RBFOX1: variants seen among roughly 807,000 people sequenced by gnomAD.
RBFOX1 encodes the protein RNA binding protein fox-1 homolog 1.
Under a neutral mutation model 57.7 loss-of-function variants are expected in RBFOX1, and 8 were observed. The observed-to-expected ratio is 0.14, with a 90% CI of 0.08 to 0.25. RBFOX1 has a LOEUF of 0.25. RBFOX1 is among the 10% of genes least tolerant of loss of function. The pLI is 1.00. For missense variants in RBFOX1, 611 were observed against 548.5 expected, an observed-to-expected ratio of 1.11 and a Z score of -1.14; for synonymous variants, 326 against 222.4, an observed-to-expected ratio of 1.47 and a Z score of -4.15.
chr16:7,088,983 G>C (rs1045199079), intron 4 of RBFOX1, among the ~76,000 whole-genome samples: 1 of 152,136 alleles, frequency 6.6e-6, no homozygotes, highest in Non-Finnish European at 1.5e-5. Context: ...AAGGAAGAAG[G>C]CCTTTTTGTT....
At chr16:6,530,143 C>A (rs1163424873) in intron 2 of RBFOX1, among the ~76,000 whole-genome samples, 3 of 152,096 alleles carry the variant, frequency 2.0e-5, no homozygotes, top group Non-Finnish European at 4.4e-5. Flanking sequence ...TCCTCCCCTT[C>A]TTTTATCTTA....
intron 1 of RBFOX1, among the ~76,000 whole-genome samples, chr16:6,067,550 A>G (rs766127107): frequency 2.0e-5 from 3 of 152,192 alleles, no homozygotes; most frequent in Non-Finnish European, 4.4e-5. Flanking sequence ...TATCCAAACT[A>G]TTTTGATGAA....
intron 2 of RBFOX1, among the ~76,000 whole-genome samples, chr16:5,524,127 C>G (rs773598919): frequency 6.6e-6 from 1 of 152,192 alleles, no homozygotes; most frequent in Non-Finnish European, 1.5e-5. Flanking sequence ...TAAAGACACA[C>G]TCTGGGAGGA....
At chr16:7,282,921 T>C (rs1204393582) in intron 4 of RBFOX1, among the ~76,000 whole-genome samples, 1 of 152,216 alleles carries the variant, frequency 6.6e-6, no homozygotes, top group African/African-American at 2.4e-5. Flanking sequence ...TCATTACTTT[T>C]TTATGGTTGA....
chr16:6,459,581 T>C (rs1333105002), intron 2 of RBFOX1, among the ~76,000 whole-genome samples: 1 of 152,152 alleles, frequency 6.6e-6, no homozygotes, highest in East Asian at 1.9e-4. Context: ...CTATATCTCA[T>C]GCTTCTGATA....
At chr16:7,651,264 C>T (rs972455687) in intron 11 of RBFOX1, among the ~76,000 whole-genome samples, 1 of 152,104 alleles carries the variant, frequency 6.6e-6, no homozygotes, top group African/African-American at 2.4e-5. Context: ...TCACTTTGGT[C>T]GGGTTCGGGG....
intron 3 of RBFOX1, among the ~76,000 whole-genome samples, chr16:6,848,880 A>G (rs1433766911): frequency 6.6e-6 from 1 of 152,180 alleles, no homozygotes; most frequent in Non-Finnish European, 1.5e-5. Flanking sequence ...CTCAGGTGTC[A>G]AAGAGGAACA....
At chr16:5,835,926 C>T (rs920115177) in intron 3 of RBFOX1, among the ~76,000 whole-genome samples, 2 of 152,122 alleles carry the variant, frequency 1.3e-5, no homozygotes, top group African/African-American at 4.8e-5. Flanking sequence ...CACCCGCCGC[C>T]CATGAGTCTT....
At chr16:6,341,405 C>G (rs2084554686) in intron 2 of RBFOX1, among the ~76,000 whole-genome samples, 1 of 152,072 alleles carries the variant, frequency 6.6e-6, no homozygotes, top group African/African-American at 2.4e-5. Context: ...GTTGAGACTT[C>G]CTGGGCGGCA....
chr16:7,156,927 T>A (rs2077270697), intron 4 of RBFOX1, among the ~76,000 whole-genome samples: 1 of 152,192 alleles, frequency 6.6e-6, no homozygotes, highest in African/African-American at 2.4e-5. Context: ...CTATAATATA[T>A]GTGATAACCT....
chr16:6,637,225 C>T (rs868022623), intron 2 of RBFOX1, among the ~76,000 whole-genome samples: 1 of 36,346 alleles, frequency 2.8e-5, no homozygotes, highest in African/African-American at 1.2e-4. Context: ...ATATAATATA[C>T]AATATATATT....
chr16:5,671,508 AG>A (rs2050011916), intron 3 of RBFOX1, among the ~76,000 whole-genome samples: 1 of 152,224 alleles, frequency 6.6e-6, no homozygotes, highest in African/African-American at 2.4e-5. Context: ...ATTCAGCCAG[AG>A]GAGAAAAACA....
chr16:6,204,722 A>T (rs1169515605), intron 1 of RBFOX1, among the ~76,000 whole-genome samples: 3 of 152,156 alleles, frequency 2.0e-5, no homozygotes, highest in Non-Finnish European at 4.4e-5. Context: ...TGCAGTGTGA[A>T]GGGGTTGATT....
chr16:5,653,642 T>C (rs1030218495), intron 3 of RBFOX1, among the ~76,000 whole-genome samples: 1 of 152,170 alleles, frequency 6.6e-6, no homozygotes, highest in African/African-American at 2.4e-5. Flanking sequence ...TTCTGCCGCA[T>C]GTGCAGCTGC....
intron 3 of RBFOX1, among the ~76,000 whole-genome samples, chr16:6,756,260 T>C (rs1222296836): frequency 1.3e-5 from 2 of 152,058 alleles, no homozygotes; most frequent in Non-Finnish European, 1.5e-5. Context: ...GGGAAAAAAA[T>C]GGATATCCGT....
chr16:7,200,983 A>G (rs779668572), intron 4 of RBFOX1, among the ~76,000 whole-genome samples: 2 of 152,194 alleles, frequency 1.3e-5, no homozygotes, highest in African/African-American at 2.4e-5. Context: ...GGGAGAGAAA[A>G]ATTAATCTAT....
intron 1 of RBFOX1, among the ~76,000 whole-genome samples, chr16:5,352,039 C>G (rs1021475792): frequency 2.0e-5 from 3 of 152,182 alleles, no homozygotes; most frequent in Non-Finnish European, 4.4e-5. Context: ...CTCCTGACCT[C>G]AGGTGATCCA....
At chr16:6,570,399 AAGAT>A (rs1382292946) in intron 2 of RBFOX1, among the ~76,000 whole-genome samples, 1 of 152,118 alleles carries the variant, frequency 6.6e-6, no homozygotes, top group Non-Finnish European at 1.5e-5. Flanking sequence ...TTTTATATGA[AAGAT>A]AGAAGAAGTA....
chr16:6,291,949 ATGTGTG>A (rs112285049), intron 1 of RBFOX1, among the ~76,000 whole-genome samples: 10 of 149,444 alleles, frequency 6.7e-5, no homozygotes, highest in Non-Finnish European at 8.9e-5. Flanking sequence ...GTTGGAATGA[ATGTGTG>A]TGTGTGTGTG....
Sources: gnomAD v4.1 joint callset for allele counts (sites outside exome capture counted in the v4.1 genomes callset) on GRCh38, gnomAD v4.1.1 for gene constraint, MANE v1.5 for transcripts, NCBI Gene and HGNC (gene_info 2026-07-23, HGNC 2026-07-21) for gene names.